The following SCAF11 variants were observed in gnomAD, a reference collection of about 807,000 sequenced individuals.
The protein encoded by SCAF11 is protein SCAF11.
In SCAF11, 47 loss-of-function variants were observed where a neutral mutation model predicts 140.5. The ratio of observed to expected loss-of-function variants is 0.33; its 90% confidence interval spans 0.26 to 0.43. The LOEUF (loss-of-function observed/expected upper bound fraction) is 0.43, where lower values mean the gene tolerates loss of function less well. SCAF11 is among the 20% of genes least tolerant of loss of function. The pLI, the probability that SCAF11 is intolerant of heterozygous loss-of-function variation, is 1.00. For missense variants in SCAF11, 1,645 were observed against 1,705.1 expected, an observed-to-expected ratio of 0.96 and a Z score of 0.62; for synonymous variants, 557 against 579.4, an observed-to-expected ratio of 0.96 and a Z score of 0.55.
intron 6 of SCAF11, among the ~76,000 whole-genome samples, chr12:45,938,089 T>C (rs546792343): frequency 6.6e-6 from 1 of 152,288 alleles, no homozygotes; most frequent in East Asian, 1.9e-4. Flanking sequence ...GCTAAGACAA[T>C]TTACCATCCC....
intron 3 of SCAF11, chr12:45,954,839 G>C (rs1218968456): frequency 6.9e-6 from 1 of 145,474 alleles, no homozygotes; most frequent in Non-Finnish European, 1.5e-5. Flanking sequence ...TCCTACCTCA[G>C]CCTCCCAAAG....
rs1944650294 is a variant in SCAF11, at chr12:45,919,179, A to AT, written c.*2868dup. 6.6e-6 allele frequency: 1 copy of AT among 152,216 alleles called. No homozygotes were observed. Among genetic ancestry groups the AT allele is most frequent in the Admixed American group, 6.5e-5 (1 of 15,282 alleles). The allele number at this position is 152,216 out of a possible 1,614,324, so 9.4% of individuals were successfully genotyped here. A position where few individuals can be genotyped will look rare whatever the true frequency, so the allele number is the denominator to read the frequency against. The stretch of plus-strand genomic sequence containing the variant: ...AGAAAATATTACACACTACATACAT[A>AT]TTTATTTAAGAGTATAATTTCAGTA... On this transcript the variant is annotated 3_prime_UTR_variant, in exon 15 of 15. Transcript: ENST00000369367.
At chr12:45,978,815 T>C (rs1946290894) in intron 1 of SCAF11, among the ~76,000 whole-genome samples, 1 of 152,124 alleles carries the variant, frequency 6.6e-6, no homozygotes, top group African/African-American at 2.4e-5. Context: ...GAAAATTGTG[T>C]AGGGCACAGA....
intron 1 of SCAF11, among the ~76,000 whole-genome samples, chr12:45,982,057 CT>C (rs778017525): frequency 2.6e-4 from 39 of 152,014 alleles, no homozygotes; most frequent in South Asian, 2.1e-3. Flanking sequence ...TATTTTAAAC[CT>C]TTTTAAAGAG....
In SCAF11 at chr12:45,928,131, C is replaced by T. The variant is rs1157702243; in HGVS notation, c.1570G>A (p.Glu524Lys). The T allele has an allele frequency of 1.9e-6, 3 of 1,614,000 alleles. No homozygotes were observed. The highest frequency in any genetic ancestry group is 2.5e-6 in the Non-Finnish European group (3 of 1,179,996). ...AGTCCAGATATCTGGTCTTGCTTTT[C>T]CAATGGATCACCTCCTTTTTCAAGA... is the stretch of plus-strand genomic sequence containing the variant. Reference protein sequence around the residue: ...NILEKGGDPLEKQDQISGLSQ... With the variant: ...NILEKGGDPLKKQDQISGLSQ... Residue 524 changes from glutamate (E) to lysine (K), a missense_variant, in exon 11 of 15, where the codon GAA becomes AAA. By Grantham distance (56) the Glu-to-Lys change is moderately conservative (BLOSUM62 1). This residue lies in a region of SCAF11 where 1,582 missense variants were observed against 1,609.2 expected (regional missense o/e 0.98). Transcript: ENST00000369367.
At chr12:45,989,937 G>T (rs2136682007) in intron 1 of SCAF11, among the ~76,000 whole-genome samples, 1 of 152,306 alleles carries the variant, frequency 6.6e-6, no homozygotes, top group South Asian at 2.1e-4. Context: ...CCACTGCAGG[G>T]AGGAGGGTGT....
intron 3 of SCAF11, among the ~76,000 whole-genome samples, chr12:45,956,347 CAAAT>C (rs1945692690): frequency 6.6e-6 from 1 of 152,172 alleles, no homozygotes; most frequent in African/African-American, 2.4e-5. Context: ...AGTTCAAAAT[CAAAT>C]AAAGATGACT....
chr12:45,964,545 T>G (rs979039744), intron 1 of SCAF11, among the ~76,000 whole-genome samples: 1 of 151,834 alleles, frequency 6.6e-6, no homozygotes, highest in Non-Finnish European at 1.5e-5. Flanking sequence ...CAGGTGCCTG[T>G]AGTCCCAGCT....
At chr12:45,981,657 T>A (rs1328729779) in intron 1 of SCAF11, among the ~76,000 whole-genome samples, 1 of 152,016 alleles carries the variant, frequency 6.6e-6, no homozygotes, top group Non-Finnish European at 1.5e-5. Flanking sequence ...ATTAGCCGAG[T>A]GTGGTGGCAT....
At chr12:45,931,081 A>G (rs1333039768) in intron 10 of SCAF11, 1 of 152,228 alleles carries the variant, frequency 6.6e-6, no homozygotes, top group East Asian at 1.9e-4. Context: ...CCACCCCACC[A>G]CACCTACCCC....
intron 1 of SCAF11, among the ~76,000 whole-genome samples, chr12:45,980,006 C>T (rs189084081): frequency 6.6e-6 from 1 of 152,114 alleles, no homozygotes; most frequent in Admixed American, 6.5e-5. Context: ...TTTGTGTAAG[C>T]GTTTCATATT....
At chr12:45,943,479 T>C (rs990658672) in intron 6 of SCAF11, among the ~76,000 whole-genome samples, 8 of 152,220 alleles carry the variant, frequency 5.3e-5, no homozygotes, top group Non-Finnish European at 1.2e-4. Flanking sequence ...ATAATTGTTC[T>C]ATATTATTAT....
At chr12:45,945,418 T>C (rs1453832797) in intron 5 of SCAF11, 105 bp from the exon 6 acceptor site, 3 of 678,032 alleles carry the variant, frequency 4.4e-6, no homozygotes, top group Non-Finnish European at 7.6e-6. Context: ...TATCATGCAC[T>C]GATTTTGGTA....
At position 45,928,132 on chromosome 12, in the gene SCAF11, C is replaced by T; in HGVS notation, c.1569G>A (p.Leu523=). The stretch of plus-strand genomic sequence containing the variant: ...GTCCAGATATCTGGTCTTGCTTTTC[C>T]AATGGATCACCTCCTTTTTCAAGAA... ...ENILEKGGDP[L]EKQDQISGLS... The change falls in exon 11 of 15, where the codon TTG becomes TTA. Residue 523 remains leucine (L), a synonymous_variant. Coordinates refer to ENST00000369367, the MANE Select transcript of SCAF11 (RefSeq NM_004719.3). The T allele has an allele frequency of 6.2e-7, 1 of 1,613,942 alleles. No individual in the cohort carries two copies. The highest frequency in any genetic ancestry group is 8.5e-7 in the Non-Finnish European group (1 of 1,179,990).
rs187063498 is a variant in SCAF11 at position 45,988,085 on chromosome 12, A to C, written c.-22+2268T>G. On this transcript the variant is annotated intron_variant, in intron 1 of 14. Transcript: ENST00000369367. ...TAACAGTTATTACTGCTCAGAAGCA[A>C]GACAAGGTGCAAGGTTATTAACTTA... Among the ~76,000 whole-genome samples the C allele has an allele frequency of 8.5e-5, 13 of 152,354 alleles. No homozygotes were observed. The East Asian group carries it at 1.7e-3, about 20-fold the overall frequency.
In SCAF11 at chr12:45,928,157, A is replaced by C; in HGVS notation, c.1544T>G (p.Ile515Ser). Residue 515 changes from isoleucine to serine, a missense_variant, in exon 11 of 15, where the codon ATT becomes AGT. This residue lies in a region of SCAF11 where 1,582 missense variants were observed against 1,609.2 expected (regional missense o/e 0.98). Transcript: ENST00000369367. ...LCLESEISEN[I>S]LEKGGDPLEK... ...CAATGGATCACCTCCTTTTTCAAGA[A>C]TATTTTCAGAAATCTCACTTTCCAA... 6.2e-7 allele frequency: 1 copy of C among 1,613,936 alleles called. No homozygotes were observed. Among genetic ancestry groups the C allele is most frequent in the Non-Finnish European group, 8.5e-7 (1 of 1,179,980 alleles).
intron 1 of SCAF11, among the ~76,000 whole-genome samples, chr12:45,986,351 T>C (rs987919796): frequency 1.3e-5 from 2 of 152,096 alleles, no homozygotes; most frequent in Non-Finnish European, 2.9e-5. Flanking sequence ...TCAAATTTCT[T>C]TCTCCCTCAC....
At chr12:45,991,032 C>T (rs534576890), upstream of SCAF11, among the ~76,000 whole-genome samples, 48 of 152,358 alleles carry the variant, frequency 3.2e-4, no homozygotes, top group African/African-American at 1.0e-3. Context: ...GCAGGGTGTG[C>T]TCCTTATCTT....
At chr12:45,972,929 GATAT>G (rs1177941305) in intron 1 of SCAF11, among the ~76,000 whole-genome samples, 4 of 86,516 alleles carry the variant, frequency 4.6e-5, no homozygotes, top group Admixed American at 1.1e-4. Context: ...TAGATATATA[GATAT>G]ATATAGATAT....
Sources: allele counts gnomAD v4.1 joint callset (sites outside exome capture counted in the v4.1 genomes callset), GRCh38; gene constraint gnomAD v4.1.1; regional missense constraint gnomAD v4.1.1; transcripts MANE v1.5; gene names NCBI Gene and HGNC (gene_info 2026-07-23, HGNC 2026-07-21).